The following DEUP1 variants were observed in gnomAD, a reference collection of about 807,000 sequenced individuals.
DEUP1 encodes coiled-coil domain containing 67.
In DEUP1, 82 loss-of-function variants were observed where a neutral mutation model predicts 87.4. The observed-to-expected ratio is 0.94, with a 90% CI of 0.78 to 1.13. The LOEUF is 1.13. DEUP1 is among the 50% of genes most tolerant of loss of function. The pLI, the probability that DEUP1 is intolerant of heterozygous loss-of-function variation, is 0.00. For missense variants in DEUP1, 663 were observed against 681.5 expected (o/e 0.97, Z 0.30); for synonymous variants, 214 against 222.7 (o/e 0.96, Z 0.35).
chr11:93,387,101 A>G lies in DEUP1; in HGVS notation c.935+1558A>G, dbSNP rs372408662. Among the ~76,000 whole-genome samples, 10 of 152,176 alleles carry G rather than the reference A, an allele frequency of 6.6e-5. No individual in the cohort carries two copies. The East Asian group carries it at 7.7e-4, about 12-fold the overall frequency. On this transcript the variant is annotated intron_variant, in intron 8 of 13. Transcript: ENST00000298050. ...TGGCATTTATTTTGGTCTCCAGACT[A>G]CAGCTTTCTTATCCTAGAATTCAGT...
intron 9 of DEUP1, among the ~76,000 whole-genome samples, chr11:93,392,452 T>C (rs1946794256): frequency 1.3e-5 from 2 of 152,186 alleles, no homozygotes; most frequent in Admixed American, 1.3e-4. Context: ...AATGAGATGA[T>C]GCATGTAAAC....
intron 2 of DEUP1, among the ~76,000 whole-genome samples, chr11:93,350,277 C>A (rs1322011109): frequency 6.6e-6 from 1 of 152,054 alleles, no homozygotes; most frequent in East Asian, 1.9e-4. Context: ...GAAGTACACT[C>A]AAAACTGTAT....
At chr11:93,412,445 TGAA>T (rs1215100595) in intron 12 of DEUP1, among the ~76,000 whole-genome samples, 8 of 152,190 alleles carry the variant, frequency 5.3e-5, no homozygotes, top group Admixed American at 6.5e-5. Context: ...GCTGTATTCT[TGAA>T]GAAGAACTTG....
At chr11:93,363,779 T>A (rs1042768649) in intron 4 of DEUP1, among the ~76,000 whole-genome samples, 1 of 151,900 alleles carries the variant, frequency 6.6e-6, no homozygotes, top group African/African-American at 2.4e-5. Context: ...ATAAGCTAGT[T>A]ATTTTGTAGA....
chr11:93,403,390 T>C (rs1295882204), intron 11 of DEUP1, among the ~76,000 whole-genome samples: 2 of 151,998 alleles, frequency 1.3e-5, no homozygotes, highest in Non-Finnish European at 2.9e-5. Context: ...CAAGTTTCAC[T>C]ACTACTACTT....
chr11:93,360,632 G>T (rs1015713981), intron 4 of DEUP1, among the ~76,000 whole-genome samples: 7 of 151,898 alleles, frequency 4.6e-5, no homozygotes, highest in African/African-American at 1.7e-4. Flanking sequence ...TAACTGAAAA[G>T]TATAATAACC....
rs1230176391 is a variant in DEUP1 at position 93,373,627 on chromosome 11, A to ATG, written c.789+2348_789+2349insGT. Among the ~76,000 whole-genome samples the ATG allele has an allele frequency of 2.3e-3, 281 of 119,900 alleles. 1 individual carries two copies. Among genetic ancestry groups the ATG allele is most frequent in the African/African-American group, 8.4e-3 (259 of 30,706 alleles). The allele number at this position is 119,900 out of a possible 152,430, so 78.7% of individuals were successfully genotyped here. On this transcript the variant is annotated intron_variant, in intron 7 of 13. Transcript: ENST00000298050. ...TATTTATATATGTATATATATACGTATATATATATATATATATATATATAC... is the reference window on the plus strand; with the variant it reads ...TATTTATATATGTATATATATACGTATGTATATATATATATATATATATATAC...
At chr11:93,376,241 G>A (rs767837387) in intron 7 of DEUP1, among the ~76,000 whole-genome samples, 2 of 152,146 alleles carry the variant, frequency 1.3e-5, no homozygotes, top group Non-Finnish European at 2.9e-5. Context: ...ACTGCACCCG[G>A]CCTATATTAC....
At chr11:93,394,155 A>C (rs1946863326) in intron 9 of DEUP1, among the ~76,000 whole-genome samples, 1 of 152,194 alleles carries the variant, frequency 6.6e-6, no homozygotes, top group Non-Finnish European at 1.5e-5. Flanking sequence ...TCTCCATGAA[A>C]ATGCTTGATA....
At chr11:93,390,855 A>G (rs12281237) in intron 9 of DEUP1, among the ~76,000 whole-genome samples, 51,262 of 151,862 alleles carry the variant, frequency 0.34, 9,450 homozygotes, top group African/African-American at 0.48. Context: ...AGGCTGAGGC[A>G]GGCAGATCAC....
At chr11:93,370,042 T>A (rs761725255) in intron 5 of DEUP1, 31 bp from the exon 6 acceptor site, 34 of 1,127,412 alleles carry the variant, frequency 3.0e-5, no homozygotes, top group Non-Finnish European at 4.1e-5. Context: ...ATAACATTTT[T>A]AAATATGTTT....
At chr11:93,409,752 C>A (rs1365477471) in intron 12 of DEUP1, among the ~76,000 whole-genome samples, 1 of 152,106 alleles carries the variant, frequency 6.6e-6, no homozygotes, top group Non-Finnish European at 1.5e-5. Flanking sequence ...GATTTTCTAT[C>A]TGACAAACAA....
chr11:93,353,815 C>G (rs1183778617), intron 2 of DEUP1, among the ~76,000 whole-genome samples: 2 of 152,214 alleles, frequency 1.3e-5, no homozygotes, highest in African/African-American at 4.8e-5. Context: ...CTAGGCTGCA[C>G]ACGGCATGGG....
intron 2 of DEUP1, among the ~76,000 whole-genome samples, chr11:93,333,943 T>C (rs1397501889): frequency 6.6e-6 from 1 of 152,164 alleles, no homozygotes; most frequent in East Asian, 1.9e-4. Context: ...TAAGGTTGGG[T>C]CCCAGATATC....
intron 13 of DEUP1, among the ~76,000 whole-genome samples, chr11:93,419,818 A>G (rs144058718): frequency 6.6e-6 from 1 of 151,794 alleles, no homozygotes; most frequent in Non-Finnish European, 1.5e-5. Context: ...ATTTTCTGGG[A>G]AAAAAATAAA....
Position 93,370,097 on chromosome 11 carries a change from T to C in DEUP1, c.457T>C (p.Trp153Arg). ...GGAATTTAGAGCAAAGTCAAGAGAA[T>C]GGGACAAGCAAGAGATATTATATCA... ...LEEFRAKSRE[W>R]DKQEILYQTH... Residue 153 changes from tryptophan (W) to arginine (R), a missense_variant, in exon 6 of 14, where the codon TGG (tryptophan) becomes CGG (arginine). Coordinates refer to ENST00000298050, the MANE Select transcript of DEUP1 (RefSeq NM_181645.4). 2 of 1,603,642 alleles carry C rather than the reference T, an allele frequency of 1.2e-6. No individual in the cohort carries two copies. Among genetic ancestry groups the C allele is most frequent in the Non-Finnish European group, 1.7e-6 (2 of 1,173,558 alleles).
At chr11:93,385,582 A>G in intron 8 of DEUP1, 39 bp downstream of exon 8, 1 of 1,495,830 alleles carries the variant, frequency 6.7e-7, no homozygotes, top group South Asian at 1.3e-5. Context: ...AGAACTGTTC[A>G]AAACATGATG....
At chr11:93,381,217 C>G (rs773176995) in intron 7 of DEUP1, among the ~76,000 whole-genome samples, 1 of 152,088 alleles carries the variant, frequency 6.6e-6, no homozygotes, top group Non-Finnish European at 1.5e-5. Flanking sequence ...TTAGGCAAAC[C>G]TCTAACTAAA....
At chr11:93,431,557 A>C (rs1488749062) in intron 13 of DEUP1, among the ~76,000 whole-genome samples, 1 of 152,238 alleles carries the variant, frequency 6.6e-6, no homozygotes, top group African/African-American at 2.4e-5. Context: ...CTCCATTTCA[A>C]ATTATTTTAC....
Sources: gnomAD v4.1 joint callset for allele counts (sites outside exome capture counted in the v4.1 genomes callset) on GRCh38, gnomAD v4.1.1 for gene constraint, MANE v1.5 for transcripts, NCBI Gene and HGNC (gene_info 2026-07-23, HGNC 2026-07-21) for gene names.